The following KSR1 variants were observed in gnomAD, a reference collection of about 807,000 sequenced individuals.
KSR1 encodes the protein kinase suppressor of ras.
In KSR1, 35 loss-of-function variants were observed where a neutral mutation model predicts 92.9. That is an observed-to-expected ratio of 0.38 (90% CI 0.29 to 0.50). The LOEUF is 0.50. Ranked by LOEUF, KSR1 falls within the 20% of genes least tolerant of loss-of-function variation. KSR1 has a pLI of 0.94. For synonymous variants in KSR1, 467 were observed against 472.6 expected, an observed-to-expected ratio of 0.99 and a Z score of 0.15; for missense variants, 972 against 1,158.5, an observed-to-expected ratio of 0.84 and a Z score of 2.34.
chr17:27,527,767 A>T (rs2070373812), intron 1 of KSR1, among the ~76,000 whole-genome samples: 1 of 152,196 alleles, frequency 6.6e-6, no homozygotes, highest in Non-Finnish European at 1.5e-5. Context: ...GCTTTCACCA[A>T]ATGTTTTATC....
intron 2 of KSR1, among the ~76,000 whole-genome samples, chr17:27,575,873 A>G (rs2072485277): frequency 6.6e-6 from 1 of 152,222 alleles, no homozygotes; most frequent in Admixed American, 6.5e-5. Flanking sequence ...AGGTGGAGGA[A>G]TCCACTCAGG....
At chr17:27,590,255 T>C (rs1042503027) in intron 6 of KSR1, among the ~76,000 whole-genome samples, 1 of 152,252 alleles carries the variant, frequency 6.6e-6, no homozygotes, top group Admixed American at 6.5e-5. Flanking sequence ...TCATATCTTA[T>C]TGTACCTTAC....
rs115474651 is a variant in KSR1 at position 27,599,982 on chromosome 17, G to A, written c.1469-1378G>A. ...TTCCACCTCCACATCTTGTCCCACC[G>A]GAAGGTCTTCGGGGCAGTGACATAC... On this transcript the variant is annotated intron_variant, in intron 10 of 20. Coordinates refer to ENST00000644974, the MANE Select transcript of KSR1 (RefSeq NM_001394583.1). Among the ~76,000 whole-genome samples, 792 of 152,076 alleles carry A rather than the reference G, an allele frequency of 5.2e-3. 5 individuals carry two copies. Among genetic ancestry groups the A allele is most frequent in the African/African-American group, 0.018 (753 of 41,474 alleles).
At chr17:27,492,603 C>T (rs2068863608) in intron 1 of KSR1, among the ~76,000 whole-genome samples, 1 of 152,168 alleles carries the variant, frequency 6.6e-6, no homozygotes, top group Non-Finnish European at 1.5e-5. Context: ...ACTTCCACAG[C>T]TCTAGAATGT....
chr17:27,600,848 T>G (rs2073530227), intron 10 of KSR1, among the ~76,000 whole-genome samples: 1 of 152,188 alleles, frequency 6.6e-6, no homozygotes, highest in African/African-American at 2.4e-5. Context: ...CCTAGTTATG[T>G]GGCAGAATTG....
At chr17:27,543,345 C>T (rs2071035946) in intron 1 of KSR1, among the ~76,000 whole-genome samples, 1 of 152,108 alleles carries the variant, frequency 6.6e-6, no homozygotes, top group Admixed American at 6.5e-5. Context: ...GGGCCCAGGA[C>T]CCATGCTATG....
At chr17:27,530,708 A>G (rs1157272709) in intron 1 of KSR1, among the ~76,000 whole-genome samples, 2 of 152,208 alleles carry the variant, frequency 1.3e-5, no homozygotes, top group African/African-American at 4.8e-5. Flanking sequence ...AAACACAGAA[A>G]AGTAGAAGGA....
At chr17:27,504,085 A>T (rs1330286428) in intron 1 of KSR1, among the ~76,000 whole-genome samples, 2 of 152,198 alleles carry the variant, frequency 1.3e-5, no homozygotes, top group Non-Finnish European at 2.9e-5. Context: ...TATAGTGAAG[A>T]TGTTGTGCTT....
chr17:27,477,598 G>A (rs376967715), intron 1 of KSR1, among the ~76,000 whole-genome samples: 3 of 152,210 alleles, frequency 2.0e-5, no homozygotes, highest in African/African-American at 4.8e-5. Flanking sequence ...TAGGGAAAAC[G>A]GTGATGTATA....
chr17:27,608,102 G>T (rs555838020), intron 15 of KSR1, 92 bp downstream of exon 15: 46 of 917,292 alleles, frequency 5.0e-5, no homozygotes, highest in Non-Finnish European at 6.9e-5. Flanking sequence ...TGTTAGGGTG[G>T]TTTGGGCAGC....
intron 1 of KSR1, among the ~76,000 whole-genome samples, chr17:27,542,262 A>G (rs1443228097): frequency 6.6e-6 from 1 of 152,224 alleles, no homozygotes; most frequent in East Asian, 1.9e-4. Context: ...GAGTATTGAC[A>G]TGATTCTGTA....
At chr17:27,520,450 CTAAAGCTTAATCTTT>C (rs1447507612) in intron 1 of KSR1, among the ~76,000 whole-genome samples, 1 of 152,202 alleles carries the variant, frequency 6.6e-6, no homozygotes, top group African/African-American at 2.4e-5. Context: ...GCTTAATCTT[CTAAAGCTTAATCTTT>C]AGAAAGGGCT....
intron 15 of KSR1, among the ~76,000 whole-genome samples, chr17:27,608,759 C>T (rs1004720676): frequency 3.9e-5 from 6 of 152,146 alleles, no homozygotes; most frequent in Admixed American, 1.3e-4. Flanking sequence ...CCTCTCTGTT[C>T]CCCCACCTTG....
intron 2 of KSR1, among the ~76,000 whole-genome samples, chr17:27,572,198 C>G (rs1290523130): frequency 6.6e-6 from 1 of 152,238 alleles, no homozygotes; most frequent in Non-Finnish European, 1.5e-5. Flanking sequence ...ATCCCACCTA[C>G]TGGAGAACAT....
At chr17:27,508,001 A>G (rs2069457976) in intron 1 of KSR1, among the ~76,000 whole-genome samples, 1 of 152,074 alleles carries the variant, frequency 6.6e-6, no homozygotes, top group Non-Finnish European at 1.5e-5. Context: ...TTCAGAGGGG[A>G]GAAATGAAAC....
chr17:27,495,474 G>A lies in KSR1; in HGVS notation c.231+38600G>A, dbSNP rs939989417. 9.2e-5 allele frequency among the ~76,000 whole-genome samples: 14 copies of A among 152,308 alleles called. No homozygotes were observed. The East Asian group carries it at 1.5e-3, about 17-fold the overall frequency. ...AGGACTTGGAGGACATGTCTGCCCC[G>A]ATGATGACTTAGGCCCAGTCCCTTA... On this transcript the variant is annotated intron_variant, in intron 1 of 20. Transcript: ENST00000644974.
intron 1 of KSR1, among the ~76,000 whole-genome samples, chr17:27,480,656 C>T (rs537975937): frequency 1.1e-4 from 17 of 152,342 alleles, no homozygotes; most frequent in Non-Finnish European, 2.5e-4. Flanking sequence ...GCTTCGGCCT[C>T]CCACAGTTGT....
At chr17:27,466,610 G>T (rs956113814) in intron 1 of KSR1, among the ~76,000 whole-genome samples, 4 of 152,252 alleles carry the variant, frequency 2.6e-5, no homozygotes, top group African/African-American at 9.6e-5. Flanking sequence ...ATGGCTGTGG[G>T]TGCATTTGAG....
chr17:27,606,862 C>T (rs758833780), intron 14 of KSR1, among the ~76,000 whole-genome samples: 23 of 152,086 alleles, frequency 1.5e-4, no homozygotes, highest in East Asian at 1.9e-4. Flanking sequence ...GACAGGGTCT[C>T]GCTCTGTCAC....
Sources: allele counts gnomAD v4.1 joint callset (sites outside exome capture counted in the v4.1 genomes callset), GRCh38; gene constraint gnomAD v4.1.1; transcripts MANE v1.5; gene names NCBI Gene and HGNC (gene_info 2026-07-23, HGNC 2026-07-21).